Variants in DGKH observed in about 807,000 individuals in gnomAD.
The protein encoded by DGKH is diacylglycerol kinase eta.
In DGKH, 90 loss-of-function variants were observed where a neutral mutation model predicts 159.3. The observed-to-expected ratio is 0.57, with a 90% CI of 0.48 to 0.67. DGKH has a LOEUF of 0.67. Ranked by LOEUF, DGKH falls within the 30% of genes least tolerant of loss-of-function variation. The probability of loss-of-function intolerance (pLI) is 0.00; values close to 1 mark genes in which losing one functional copy is unlikely to be tolerated. For missense variants in DGKH, 1,181 were observed against 1,506.1 expected (o/e 0.78, Z 3.57); for synonymous variants, 536 against 553.8 (o/e 0.97, Z 0.45).
intron 1 of DGKH, among the ~76,000 whole-genome samples, chr13:42,072,016 A>G (rs951033170): frequency 2.6e-5 from 4 of 152,344 alleles, no homozygotes; most frequent in African/African-American, 9.6e-5. Context: ...CTCAGTGTTT[A>G]TGTAATAGAT....
At chr13:42,209,162 A>G (rs1056943637) in intron 22 of DGKH, 90 bp downstream of exon 22, 1 of 1,352,718 alleles carries the variant, frequency 7.4e-7, no homozygotes, top group East Asian at 2.4e-5. Context: ...CTGGATATTC[A>G]TCTATAATAT....
chr13:42,213,962 T>C (rs565123857), intron 24 of DGKH, among the ~76,000 whole-genome samples: 2 of 152,316 alleles, frequency 1.3e-5, no homozygotes, highest in African/African-American at 4.8e-5. Flanking sequence ...GGCTCTACGA[T>C]TTACTGGCTC....
chr13:42,187,646 G>A (rs1956965367), intron 14 of DGKH, among the ~76,000 whole-genome samples: 2 of 152,166 alleles, frequency 1.3e-5, no homozygotes, highest in African/African-American at 4.8e-5. Flanking sequence ...AAAATGCTGG[G>A]ATTACAAGTG....
chr13:42,103,124 G>A (rs1192456574), intron 1 of DGKH, among the ~76,000 whole-genome samples: 1 of 152,126 alleles, frequency 6.6e-6, no homozygotes, highest in Admixed American at 6.5e-5. Context: ...GGAGATTGTT[G>A]TATATTTATT....
At chr13:42,088,524 A>G (rs1325921231) in intron 1 of DGKH, among the ~76,000 whole-genome samples, 1 of 152,174 alleles carries the variant, frequency 6.6e-6, no homozygotes, top group Non-Finnish European at 1.5e-5. Flanking sequence ...AGAGTCTCAT[A>G]CTGTAACCGA....
intron 8 of DGKH, 100 bp downstream of exon 8, chr13:42,165,533 TGTA>T: frequency 1.7e-6 from 1 of 584,400 alleles, no homozygotes; most frequent in Non-Finnish European, 2.7e-6. Flanking sequence ...AATTGACTAT[TGTA>T]GTCAGTTTTT....
rs1034057035 is a variant in DGKH at position 42,082,725 on chromosome 13, A to G, written c.192+33760A>G. Among the ~76,000 whole-genome samples the G allele has an allele frequency of 2.0e-5, 3 of 152,320 alleles. No individual in the cohort carries two copies. The South Asian group carries it at 6.2e-4, about 32-fold the overall frequency. ...ATTTACTAAGAGAAAGGCACTCCAT[A>G]TTGACATTTCTTGTAGAAGGTTAGA... On this transcript the variant is annotated intron_variant, in intron 1 of 29. Transcript: ENST00000337343.
At chr13:42,069,079 C>T in intron 1 of DGKH, 1 of 1,417,134 alleles carries the variant, frequency 7.1e-7, no homozygotes, top group South Asian at 1.2e-5. Flanking sequence ...TGGGCTCGAG[C>T]TGCTTATTAA....
intron 3 of DGKH, among the ~76,000 whole-genome samples, chr13:42,153,019 C>T (rs1006642784): frequency 6.6e-6 from 1 of 151,696 alleles, no homozygotes; most frequent in African/African-American, 2.4e-5. Flanking sequence ...AATCACAAGG[C>T]CTATAAATCA....
At chr13:42,074,074 CTTA>C (rs1431921760) in intron 1 of DGKH, among the ~76,000 whole-genome samples, 3 of 152,100 alleles carry the variant, frequency 2.0e-5, no homozygotes, top group South Asian at 4.1e-4. Context: ...TGTTTATACT[CTTA>C]TTATGATCAA....
intron 21 of DGKH, among the ~76,000 whole-genome samples, chr13:42,207,135 T>C (rs1566192642): frequency 0.023 from 527 of 23,376 alleles, 44 homozygotes; most frequent in South Asian, 0.034. Flanking sequence ...CCTTCCTTCC[T>C]TCCTTCCTTC....
intron 16 of DGKH, among the ~76,000 whole-genome samples, chr13:42,193,032 G>C (rs911530548): frequency 2.6e-5 from 4 of 152,042 alleles, no homozygotes; most frequent in African/African-American, 9.7e-5. Flanking sequence ...TTTTTATTTA[G>C]ATCTATTATT....
chr13:42,172,525 T>C (rs1956487767), intron 11 of DGKH, among the ~76,000 whole-genome samples: 1 of 152,260 alleles, frequency 6.6e-6, no homozygotes, highest in African/African-American at 2.4e-5. Flanking sequence ...TCTCATAGGC[T>C]GAATGATACA....
intron 26 of DGKH, among the ~76,000 whole-genome samples, chr13:42,217,220 C>T (rs546545183): frequency 2.0e-4 from 30 of 152,250 alleles, no homozygotes; most frequent in African/African-American, 4.3e-4. Flanking sequence ...TTAGACTAAA[C>T]GAAAATTAAT....
chr13:42,182,761 T>G (rs1418684212), intron 13 of DGKH, among the ~76,000 whole-genome samples: 2 of 152,196 alleles, frequency 1.3e-5, no homozygotes, highest in Non-Finnish European at 2.9e-5. Context: ...TGTGCACGTG[T>G]GCATGTGCGC....
chr13:42,167,624 C>A (rs1338310532), intron 9 of DGKH, among the ~76,000 whole-genome samples: 2 of 152,094 alleles, frequency 1.3e-5, no homozygotes, highest in African/African-American at 4.8e-5. Context: ...TCCTTATCTA[C>A]GTGTACTGCC....
intron 16 of DGKH, among the ~76,000 whole-genome samples, chr13:42,191,158 C>T (rs890982285): frequency 1.3e-5 from 2 of 152,126 alleles, no homozygotes; most frequent in African/African-American, 4.8e-5. Context: ...TGAATTTATA[C>T]TTTTAATATT....
chr13:42,171,385 T>G (rs1260901722), intron 11 of DGKH, among the ~76,000 whole-genome samples: 2 of 152,346 alleles, frequency 1.3e-5, no homozygotes, highest in East Asian at 3.9e-4. Flanking sequence ...GATGGTTCCT[T>G]CCTTCTGGCC....
chr13:42,112,152 CAAA>C (rs1954874031), intron 1 of DGKH, among the ~76,000 whole-genome samples: 1 of 152,070 alleles, frequency 6.6e-6, no homozygotes, highest in African/African-American at 2.4e-5. Flanking sequence ...AAATTAAAAA[CAAA>C]AACAAAAGTC....
Sources: allele counts gnomAD v4.1 joint callset (sites outside exome capture counted in the v4.1 genomes callset), GRCh38; gene constraint gnomAD v4.1.1; transcripts MANE v1.5; gene names NCBI Gene and HGNC (gene_info 2026-07-23, HGNC 2026-07-21).